The following DPYSL2 variants were observed in gnomAD, a reference collection of about 807,000 sequenced individuals.
DPYSL2 encodes the protein dihydropyrimidinase-related protein 2.
DPYSL2 carries 13 observed loss-of-function variants against 69.9 expected under a neutral mutation model. The ratio of observed to expected loss-of-function variants is 0.19; its 90% CI spans 0.12 to 0.30. DPYSL2 has a LOEUF of 0.30. Ranked by LOEUF, DPYSL2 falls within the 10% of genes least tolerant of loss-of-function variation. DPYSL2 has a pLI of 1.00. For missense variants in DPYSL2, 587 were observed against 918.9 expected (o/e 0.64, Z 4.67); for synonymous variants, 326 against 359.1 (o/e 0.91, Z 1.04).
intron 1 of DPYSL2, among the ~76,000 whole-genome samples, chr8:26,575,267 G>C (rs1176665429): frequency 6.6e-6 from 1 of 152,142 alleles, no homozygotes; most frequent in Non-Finnish European, 1.5e-5. Context: ...GGGATTACAG[G>C]TGTGAGCCAC....
chr8:26,636,169 G>C (rs1802910412), intron 8 of DPYSL2, among the ~76,000 whole-genome samples: 2 of 148,628 alleles, frequency 1.3e-5, no homozygotes, highest in Non-Finnish European at 3.0e-5. Context: ...TTAGAAATAA[G>C]AAAGCATTCA....
intron 1 of DPYSL2, chr8:26,578,549 CG>C: frequency 7.2e-7 from 1 of 1,387,788 alleles, no homozygotes; most frequent in Admixed American, 3.1e-5. Flanking sequence ...GCGCCAGACC[CG>C]GTCTATCTTT....
At position 26,640,086 on chromosome 8, in the gene DPYSL2, A is replaced by G. The variant is rs1185397777; in HGVS notation, c.1127-3353A>G. Among the ~76,000 whole-genome samples the G allele has an allele frequency of 6.6e-6, 1 of 152,212 alleles. No individual in the cohort carries two copies. The highest frequency in any genetic ancestry group is 6.5e-5 in the Admixed American group (1 of 15,284). ...GTTTTCACTGTGCTTTGGTGGCTGC[A>G]TATGGAGCTACAGATACTGATTTCC... is the stretch of plus-strand genomic sequence containing the variant. On this transcript the variant is annotated intron_variant, in intron 8 of 13. Transcript: ENST00000521913. The surrounding 1 kb of genome is among the most constrained non-coding windows in gnomAD (Gnocchi z 4.2).
chr8:26,631,934 A>G (rs1375118984), intron 7 of DPYSL2, among the ~76,000 whole-genome samples: 1 of 152,176 alleles, frequency 6.6e-6, no homozygotes, highest in Non-Finnish European at 1.5e-5. Context: ...GTATGGAACA[A>G]TTTTGTGTGA....
At chr8:26,548,239 G>A (rs79293718) in intron 1 of DPYSL2, 15,561 of 213,582 alleles carry the variant, frequency 0.073, 736 homozygotes, top group South Asian at 0.21. Flanking sequence ...TCATGTAATG[G>A]ATTATTACCA....
chr8:26,574,108 A>G (rs1247911169), intron 1 of DPYSL2, among the ~76,000 whole-genome samples: 2 of 152,194 alleles, frequency 1.3e-5, no homozygotes, highest in Admixed American at 1.3e-4. Context: ...TGATGGTGTT[A>G]TAGCAGAGCT....
intron 1 of DPYSL2, among the ~76,000 whole-genome samples, chr8:26,549,899 A>G (rs1800844954): frequency 6.6e-6 from 1 of 152,180 alleles, no homozygotes; most frequent in Admixed American, 6.5e-5. Flanking sequence ...GTGACATTGC[A>G]AGAAATGTTA....
chr8:26,572,326 G>T (rs891301064), intron 1 of DPYSL2, among the ~76,000 whole-genome samples: 1 of 152,140 alleles, frequency 6.6e-6, no homozygotes, highest in Non-Finnish European at 1.5e-5. Context: ...ACAGCCGCCC[G>T]AGGCACTGGA....
intron 1 of DPYSL2, among the ~76,000 whole-genome samples, chr8:26,522,184 C>G (rs1046776936): frequency 6.6e-6 from 1 of 152,004 alleles, no homozygotes; most frequent in African/African-American, 2.4e-5. Context: ...GGCACACACC[C>G]GTAATCTCAG....
At chr8:26,528,236 G>T (rs528011212) in intron 1 of DPYSL2, among the ~76,000 whole-genome samples, 26 of 152,288 alleles carry the variant, frequency 1.7e-4, no homozygotes, top group African/African-American at 6.3e-4. Context: ...CTTTCCAGGA[G>T]TTGTGACTTC....
chr8:26,584,474 C>T (rs1310542523), intron 3 of DPYSL2, among the ~76,000 whole-genome samples: 2 of 152,154 alleles, frequency 1.3e-5, no homozygotes, highest in Non-Finnish European at 1.5e-5. Context: ...GGAGACGATA[C>T]TCTCTAGGCT....
intron 1 of DPYSL2, chr8:26,577,979 G>C: frequency 1.5e-6 from 2 of 1,316,560 alleles, no homozygotes; most frequent in Non-Finnish European, 9.6e-7. Flanking sequence ...CTTCCCTCCT[G>C]TTTCTCTCTC....
chr8:26,566,040 G>A (rs542167400), intron 1 of DPYSL2, among the ~76,000 whole-genome samples: 5 of 152,358 alleles, frequency 3.3e-5, no homozygotes, highest in Middle Eastern at 3.4e-3. Flanking sequence ...ATTTCATGAA[G>A]AGCTAGTGGC....
At chr8:26,548,304 C>T in intron 1 of DPYSL2, 1 of 230,742 alleles carries the variant, frequency 4.3e-6, no homozygotes, top group Non-Finnish European at 8.6e-6. Flanking sequence ...GGACACCGTG[C>T]TTGAACTGAG....
At chr8:26,537,742 C>A (rs1442885) in intron 1 of DPYSL2, among the ~76,000 whole-genome samples, 91,135 of 152,030 alleles carry the variant, frequency 0.6, 29,810 homozygotes, top group East Asian at 0.9. Flanking sequence ...TTCTTCATGA[C>A]CAAAGTGAAA....
chr8:26,578,151 G>A, intron 1 of DPYSL2: 1 of 1,593,480 alleles, frequency 6.3e-7, no homozygotes, highest in East Asian at 2.2e-5. Flanking sequence ...TTTCAATCTT[G>A]CAAAGGAAAA....
rs1408739920 is a variant in DPYSL2 at position 26,605,802 on chromosome 8, G to T, written c.629-18341G>T. The stretch of plus-strand genomic sequence containing the variant: ...TTCTTATATATGGAATCCAAGAAGA[G>T]TCTTAAATAAATTAAAAGAAATGCT... On this transcript the variant is annotated intron_variant, in intron 3 of 13. Coordinates refer to ENST00000521913, the MANE Select transcript of DPYSL2 (RefSeq NM_001197293.3). The surrounding 1 kb of genome is among the most constrained non-coding windows in gnomAD (Gnocchi z 4.1). Among the ~76,000 whole-genome samples, 1 of 152,096 alleles carries T rather than the reference G, an allele frequency of 6.6e-6. No homozygotes were observed. Among genetic ancestry groups the T allele is most frequent in the African/African-American group, 2.4e-5 (1 of 41,408 alleles).
chr8:26,596,302 T>C (rs1163890776), intron 3 of DPYSL2, among the ~76,000 whole-genome samples: 1 of 152,252 alleles, frequency 6.6e-6, no homozygotes, highest in Non-Finnish European at 1.5e-5. Context: ...AACGTTTAGG[T>C]TCTTGTCCAA....
Position 26,617,282 on chromosome 8 carries a change from A to G in DPYSL2, c.629-6861A>G, listed in dbSNP as rs562243755. ...TGAGTCTATAGTGAGTTTTAAAAAG[A>G]AAAAGTTCCAGCCTGGGCAGCATAG... On this transcript the variant is annotated intron_variant, in intron 3 of 13. Coordinates refer to ENST00000521913, the MANE Select transcript of DPYSL2 (RefSeq NM_001197293.3). This position sits in a 1 kb window ranked among gnomAD's most constrained non-coding sequence, Gnocchi z 4.7. 1.8e-4 allele frequency among the ~76,000 whole-genome samples: 28 copies of G among 152,338 alleles called. No homozygotes were observed. Among genetic ancestry groups the G allele is most frequent in the Non-Finnish European group, 1.5e-5 (1 of 68,036 alleles).
Sources: gnomAD v4.1 joint callset for allele counts (sites outside exome capture counted in the v4.1 genomes callset) on GRCh38, gnomAD v4.1.1 for gene constraint, Gnocchi (gnomAD v3.1) non-coding constraint, MANE v1.5 for transcripts, NCBI Gene and HGNC (gene_info 2026-07-23, HGNC 2026-07-21) for gene names.